The following SLC25A13 variants were observed in gnomAD, a reference collection of about 807,000 sequenced individuals.
SLC25A13 encodes the protein electrogenic aspartate/glutamate antiporter SLC25A13, mitochondrial.
In SLC25A13, 70 loss-of-function variants were observed where a neutral mutation model predicts 85.5. The ratio of observed to expected loss-of-function variants is 0.82; its 90% confidence interval spans 0.68 to 1.00. The LOEUF (loss-of-function observed/expected upper bound fraction) is 1.00, where lower values mean the gene tolerates loss of function less well. Ranked by LOEUF, SLC25A13 falls within the 50% of genes least tolerant of loss-of-function variation. The probability of loss-of-function intolerance (pLI) is 0.00; values close to 1 mark genes in which losing one functional copy is unlikely to be tolerated. For missense variants in SLC25A13, 765 were observed against 819.8 expected (o/e 0.93, Z 0.82); for synonymous variants, 259 against 288.7 (o/e 0.90, Z 1.04).
intron 1 of SLC25A13, among the ~76,000 whole-genome samples, chr7:96,304,839 C>G (rs1799685511): frequency 6.6e-6 from 1 of 152,172 alleles, no homozygotes; most frequent in Admixed American, 6.5e-5. Context: ...AACCCTGCCC[C>G]AAGCAGGGAA....
At chr7:96,156,585 G>T (rs572148720) in intron 13 of SLC25A13, among the ~76,000 whole-genome samples, 2 of 152,290 alleles carry the variant, frequency 1.3e-5, no homozygotes, top group African/African-American at 4.8e-5. Context: ...CCAAGTAGCT[G>T]GGAATACAGG....
chr7:96,271,470 T>G (rs1292472422), intron 3 of SLC25A13, among the ~76,000 whole-genome samples: 1 of 152,154 alleles, frequency 6.6e-6, no homozygotes, highest in Non-Finnish European at 1.5e-5. Flanking sequence ...ACACTGAGAT[T>G]TAAGATAATA....
At chr7:96,191,292 T>C (rs199526964) in intron 6 of SLC25A13, 45 bp from the exon 7 acceptor site, 1 of 1,601,626 alleles carries the variant, frequency 6.2e-7, no homozygotes, top group East Asian at 2.2e-5. Context: ...ATACAAAAGA[T>C]TTATAGATGA....
intron 14 of SLC25A13, among the ~76,000 whole-genome samples, chr7:96,139,635 T>C (rs1368686723): frequency 6.6e-6 from 1 of 152,218 alleles, no homozygotes; most frequent in African/African-American, 2.4e-5. Context: ...TTGATGTTGG[T>C]ATATTTGTGA....
chr7:96,184,718 G>T, intron 10 of SLC25A13: 1 of 637,150 alleles, frequency 1.6e-6, no homozygotes, highest in South Asian at 2.0e-5. Context: ...TCTGTAGATA[G>T]AGGAAAATGC....
chr7:96,307,287 G>A (rs1477016534), intron 1 of SLC25A13, among the ~76,000 whole-genome samples: 4 of 152,090 alleles, frequency 2.6e-5, no homozygotes, highest in Admixed American at 6.5e-5. Context: ...AGATATTGAA[G>A]AATTATTATA....
At chr7:96,251,000 A>G (rs956660182) in intron 3 of SLC25A13, among the ~76,000 whole-genome samples, 15 of 152,260 alleles carry the variant, frequency 9.9e-5, no homozygotes, top group South Asian at 8.3e-4. Context: ...ACAGACAAAA[A>G]TCCCTGCTTT....
intron 3 of SLC25A13, among the ~76,000 whole-genome samples, chr7:96,269,774 T>C (rs1458608785): frequency 6.6e-6 from 1 of 152,232 alleles, no homozygotes; most frequent in East Asian, 1.9e-4. Context: ...GGAATACTAT[T>C]AAGCCTTTAA....
At chr7:96,216,287 T>C (rs1227631284) in intron 4 of SLC25A13, among the ~76,000 whole-genome samples, 1 of 152,210 alleles carries the variant, frequency 6.6e-6, no homozygotes, top group Non-Finnish European at 1.5e-5. Flanking sequence ...GGAACACTTA[T>C]GTACTGTTGG....
At position 96,121,107 on chromosome 7, in the gene SLC25A13, G is replaced by A. The variant is rs751738128; in HGVS notation, c.*84C>T. ...TTAAACAAGAGATGGACGTAAAAGG[G>A]ATGAAGCATTGCTTCATTCCCAGGA... On this transcript the variant is annotated 3_prime_UTR_variant, in exon 18 of 18. Coordinates refer to ENST00000265631, the MANE Select transcript of SLC25A13 (RefSeq NM_014251.3). 35 of 1,378,094 alleles carry A rather than the reference G, an allele frequency of 2.5e-5. No homozygotes were observed. The highest frequency in any genetic ancestry group is 1.8e-4 in the Middle Eastern group (1 of 5,598). The allele number at this position is 1,378,094 out of a possible 1,614,324, so 85.4% of individuals were successfully genotyped here.
At chr7:96,131,333 A>T (rs766415931) in intron 15 of SLC25A13, among the ~76,000 whole-genome samples, 3 of 152,160 alleles carry the variant, frequency 2.0e-5, no homozygotes, top group Non-Finnish European at 2.9e-5. Flanking sequence ...CTTTTCTCTA[A>T]CTATTGTTTA....
chr7:96,172,281 G>A lies in SLC25A13; in HGVS notation c.1178-757C>T, dbSNP rs4727334. On this transcript the variant is annotated intron_variant, in intron 11 of 17. Coordinates refer to ENST00000265631, the MANE Select transcript of SLC25A13 (RefSeq NM_014251.3). ...CTTGTAAGAAAGATCAATGAGGCCA[G>A]GCACGGTGGCTTATGCCTGTAATCC... Among the ~76,000 whole-genome samples the A allele has an allele frequency of 3.9e-5, 6 of 152,308 alleles. No homozygotes were observed. The South Asian group carries it at 1.2e-3, about 32-fold the overall frequency.
In SLC25A13 at chr7:96,121,310, C is replaced by G. The variant is rs151330313; in HGVS notation, c.1909G>C (p.Val637Leu). 3 of 1,614,160 alleles carry G rather than the reference C, an allele frequency of 1.9e-6. No individual in the cohort carries two copies. Among genetic ancestry groups the G allele is most frequent in the Non-Finnish European group, 2.5e-6 (3 of 1,180,022 alleles). Residue 637 changes from valine (V) to leucine (L), a missense_variant, in exon 18 of 18, where the codon GTT becomes CTT. Transcript: ENST00000265631. ...INLPAPNPDH[V>L]GGYKLAVATF... ...GCAACTGCCAGTTTGTAGCCCCCAACGTGATCAGGATTCGGGGCAGGCAGG... is the reference window on the plus strand; with the variant it reads ...GCAACTGCCAGTTTGTAGCCCCCAAGGTGATCAGGATTCGGGGCAGGCAGG...
At chr7:96,306,700 T>A in intron 1 of SLC25A13, 1 of 838,094 alleles carries the variant, frequency 1.2e-6, no homozygotes, top group Non-Finnish European at 1.8e-6. Context: ...AGCCAAACGG[T>A]GAGCTTAGTC....
chr7:96,275,119 A>C (rs1385097406), intron 3 of SLC25A13, among the ~76,000 whole-genome samples: 5 of 152,162 alleles, frequency 3.3e-5, no homozygotes, highest in Non-Finnish European at 7.3e-5. Context: ...CACGACATTG[A>C]TTCTTCCTAC....
intron 4 of SLC25A13, among the ~76,000 whole-genome samples, chr7:96,213,960 G>A (rs755950452): frequency 1.4e-4 from 21 of 152,122 alleles, no homozygotes; most frequent in South Asian, 4.1e-4. Flanking sequence ...TGTTATTTCA[G>A]TCTGTGCCAA....
At chr7:96,232,049 CA>C (rs757860034) in intron 4 of SLC25A13, among the ~76,000 whole-genome samples, 2 of 152,104 alleles carry the variant, frequency 1.3e-5, no homozygotes, top group Non-Finnish European at 2.9e-5. Flanking sequence ...GACCTAAAAA[CA>C]GAATTATCCT....
intron 3 of SLC25A13, among the ~76,000 whole-genome samples, chr7:96,242,632 G>A (rs772945279): frequency 6.6e-6 from 1 of 152,126 alleles, no homozygotes; most frequent in Non-Finnish European, 1.5e-5. Context: ...GAACACTTTG[G>A]TCTCTACAAT....
intron 14 of SLC25A13, among the ~76,000 whole-genome samples, chr7:96,138,186 C>T (rs1792365716): frequency 6.6e-6 from 1 of 152,014 alleles, no homozygotes; most frequent in African/African-American, 2.4e-5. Context: ...CTGAAGACAC[C>T]CCATTCAACT....
Sources: allele counts gnomAD v4.1 joint callset (sites outside exome capture counted in the v4.1 genomes callset), GRCh38; gene constraint gnomAD v4.1.1; transcripts MANE v1.5; gene names NCBI Gene and HGNC (gene_info 2026-07-23, HGNC 2026-07-21).